The following CARM1 variants were observed in gnomAD, a reference collection of about 807,000 sequenced individuals.
The protein encoded by CARM1 is histone-arginine methyltransferase CARM1.
A neutral mutation model predicts 72.7 loss-of-function variants in CARM1; 14 were observed. The ratio of observed to expected loss-of-function variants is 0.19; its 90% CI spans 0.13 to 0.30. The LOEUF is 0.30. Among genes scored for constraint, CARM1 ranks in the 10% least tolerant of loss-of-function variants. The pLI, the probability that CARM1 is intolerant of heterozygous loss-of-function variation, is 1.00. For missense variants in CARM1, 432 were observed against 833.7 expected, an observed-to-expected ratio of 0.52 and a Z score of 5.93; for synonymous variants, 333 against 345.5, an observed-to-expected ratio of 0.96 and a Z score of 0.40.
intron 3 of CARM1, 82 bp downstream of exon 3, chr19:10,908,227 G>A: frequency 1.1e-6 from 1 of 891,308 alleles, no homozygotes; most frequent in African/African-American, 1.6e-5. Context: ...ACACAGCACA[G>A]GGAAGGCCCA....
intron 4 of CARM1, 40 bp downstream of exon 4, chr19:10,909,247 C>T: frequency 3.0e-6 from 4 of 1,328,226 alleles, no homozygotes; most frequent in Non-Finnish European, 4.3e-6. Flanking sequence ...CTGCTTCTGT[C>T]TCGGTTTTTT....
intron 1 of CARM1, among the ~76,000 whole-genome samples, chr19:10,894,171 T>C (rs998493849): frequency 2.0e-5 from 3 of 152,152 alleles, no homozygotes; most frequent in Non-Finnish European, 4.4e-5. Context: ...CTTTCCCTCC[T>C]CTCAGCGCTT....
At chr19:10,895,472 A>G (rs1568350127) in intron 1 of CARM1, among the ~76,000 whole-genome samples, 1 of 152,218 alleles carries the variant, frequency 6.6e-6, no homozygotes, top group Non-Finnish European at 1.5e-5. Context: ...CAAGGGCCCA[A>G]AGACCCCCTG....
chr19:10,886,832 A>G (rs1639651459), intron 1 of CARM1, among the ~76,000 whole-genome samples: 1 of 149,768 alleles, frequency 6.7e-6, no homozygotes, highest in African/African-American at 2.4e-5. Context: ...TTCCATCTCA[A>G]AAAAAAAAAA....
In CARM1 at chr19:10,921,969, A is replaced by C; in HGVS notation, c.*212A>C. ...GGCCCTGAGCGTGTGTCGCTGCCAT[A>C]TTTTACACAAAATCATGTTGTGGGA... On this transcript the variant is annotated 3_prime_UTR_variant, in exon 16 of 16. Coordinates refer to ENST00000327064, the MANE Select transcript of CARM1 (RefSeq NM_199141.2). 2.0e-6 allele frequency: 1 copy of C among 506,272 alleles called. No homozygotes were observed. Among genetic ancestry groups the C allele is most frequent in the Non-Finnish European group, 3.5e-6 (1 of 287,082 alleles). 31.4% of individuals were successfully genotyped at this position (506,272 alleles called of 1,614,324 possible).
At position 10,921,819 on chromosome 19, in the gene CARM1, G is replaced by A. The variant is rs771922710; in HGVS notation, c.*62G>A. 1.6e-5 allele frequency: 24 copies of A among 1,504,232 alleles called. No individual in the cohort carries two copies. The highest frequency in any genetic ancestry group is 9.8e-5 in the African/African-American group (7 of 71,682). The allele number at this position is 1,504,232 out of a possible 1,614,324, so 93.2% of individuals were successfully genotyped here. A position where few individuals can be genotyped will look rare whatever the true frequency, so the allele number is the denominator to read the frequency against. On this transcript the variant is annotated 3_prime_UTR_variant, in exon 16 of 16. Transcript: ENST00000327064. The stretch of plus-strand genomic sequence containing the variant: ...AATGATGTCCCTGCCCGCCGCCCCC[G>A]CCGGGCGGCTTTCCCCCTTGTACTG...
In CARM1 at chr19:10,871,582, TAGCGGCAGCGGC is replaced by T. The variant is rs1568342640; in HGVS notation, c.-120_-109del. ...GCCTGCACGGCGGCTGCGGCGGCGGTAGCGGCAGCGGCGGCGGCGGCGGCGGCGGCGGCGGCG... is the reference window on the plus strand; with the variant it reads ...GCCTGCACGGCGGCTGCGGCGGCGGTGGCGGCGGCGGCGGCGGCGGCGGCG... On this transcript the variant is annotated 5_prime_UTR_variant, in exon 1 of 16. Transcript: ENST00000327064. This position sits in a 1 kb window ranked among gnomAD's most constrained non-coding sequence, Gnocchi z 5.6. 1 of 88,366 alleles carries T rather than the reference TAGCGGCAGCGGC, an allele frequency of 1.1e-5. No individual in the cohort carries two copies. Among genetic ancestry groups the T allele is most frequent in the African/African-American group, 4.7e-5 (1 of 21,214 alleles). 5.5% of individuals were successfully genotyped at this position (88,366 alleles called of 1,614,324 possible). A position where few individuals can be genotyped will look rare whatever the true frequency, so the allele number is the denominator to read the frequency against.
intron 3 of CARM1, among the ~76,000 whole-genome samples, 176 bp from the exon 4 acceptor site, chr19:10,908,927 C>G (rs1050069859): frequency 1.3e-5 from 2 of 152,194 alleles, no homozygotes; most frequent in Non-Finnish European, 2.9e-5. Flanking sequence ...GGGGGCTGCC[C>G]TCCGGCTTCC....
chr19:10,892,124 T>C (rs1448607681), intron 1 of CARM1, among the ~76,000 whole-genome samples: 4 of 152,234 alleles, frequency 2.6e-5, no homozygotes, highest in Admixed American at 2.0e-4. Flanking sequence ...CCGATGGAAA[T>C]TGATCTCTTT....
chr19:10,900,804 C>T (rs1459412266), intron 1 of CARM1, among the ~76,000 whole-genome samples: 8 of 152,098 alleles, frequency 5.3e-5, no homozygotes, highest in Non-Finnish European at 1.2e-4. Flanking sequence ...CTGCCTCAGC[C>T]TCCCGAGTAG....
intron 3 of CARM1, 70 bp from the exon 4 acceptor site, chr19:10,909,033 A>G: frequency 1.7e-6 from 2 of 1,193,970 alleles, no homozygotes; most frequent in Non-Finnish European, 2.5e-6. Flanking sequence ...GCTCTATCAC[A>G]GGGCTGGCCA....
rs80043599 is a variant in CARM1, at chr19:10,894,406, G to T, written c.221-10545G>T. ...TGCCTGTGGGATGGGAGTTGGCCAC[G>T]GGGGGTCGGGGTGTCTCCCTCTTTT... is the stretch of plus-strand genomic sequence containing the variant. On this transcript the variant is annotated intron_variant, in intron 1 of 15. Transcript: ENST00000327064. Among the ~76,000 whole-genome samples the T allele has an allele frequency of 9.9e-5, 15 of 152,190 alleles. No homozygotes were observed. In the South Asian group the frequency reaches 3.1e-3, roughly 32 times the overall value.
chr19:10,872,416 C>T (rs890497511), intron 1 of CARM1, among the ~76,000 whole-genome samples: 2 of 152,062 alleles, frequency 1.3e-5, no homozygotes, highest in African/African-American at 4.8e-5. Flanking sequence ...GTTTGCTGGT[C>T]TGGGGCGCCC....
Position 10,920,668 on chromosome 19 carries a change from C to T in CARM1, c.1344C>T (p.Tyr448=), listed in dbSNP as rs372194372. Residue 448 remains tyrosine (Y), a synonymous_variant, in exon 12 of 16, where the codon TAC becomes TAT. Transcript: ENST00000327064. The surrounding 1 kb of genome is among the most constrained non-coding windows in gnomAD (Gnocchi z 5.3). ...CLLIANKRQS[Y]DISIVAQVDQ... is the part of the protein sequence containing the mutation. ...TGCACCCTGTCCGCAGACAGAGCTACGACATCAGTATTGTGGCCCAGGTGG... is the reference window on the plus strand; with the variant it reads ...TGCACCCTGTCCGCAGACAGAGCTATGACATCAGTATTGTGGCCCAGGTGG... The T allele has an allele frequency of 9.8e-5, 158 of 1,614,050 alleles. No individual in the cohort carries two copies. Among genetic ancestry groups the T allele is most frequent in the Middle Eastern group, 1.6e-4 (1 of 6,084 alleles).
chr19:10,911,231 T>TC (rs2074148222), intron 4 of CARM1, among the ~76,000 whole-genome samples: 2 of 152,110 alleles, frequency 1.3e-5, no homozygotes, highest in South Asian at 2.1e-4. Flanking sequence ...GTTTTTTTCC[T>TC]CCAAGTATTT....
At chr19:10,908,194 C>T (rs1440659120) in intron 3 of CARM1, 49 bp downstream of exon 3, 1 of 1,256,548 alleles carries the variant, frequency 8.0e-7, no homozygotes, top group Middle Eastern at 1.9e-4. Context: ...GGCAGCCCCC[C>T]TGCCACTCAC....
rs765052900 is a variant in CARM1 at position 10,922,950 on chromosome 19, C to G, written c.*1193C>G. The G allele has an allele frequency of 4.8e-6, 1 of 210,376 alleles. No homozygotes were observed. Among genetic ancestry groups the G allele is most frequent in the Admixed American group, 6.1e-5 (1 of 16,322 alleles). 13.0% of individuals were successfully genotyped at this position (210,376 alleles called of 1,614,324 possible). A position where few individuals can be genotyped will look rare whatever the true frequency, so the allele number is the denominator to read the frequency against. On this transcript the variant is annotated 3_prime_UTR_variant, in exon 16 of 16. Coordinates refer to ENST00000327064, the MANE Select transcript of CARM1 (RefSeq NM_199141.2). ...GCCATAGGAGGGAAAGCAGGTGGCC[C>G]GGGGGGGATATGGGGGCCCCAGCCC...
At chr19:10,895,451 C>G (rs1479336313) in intron 1 of CARM1, among the ~76,000 whole-genome samples, 1 of 152,226 alleles carries the variant, frequency 6.6e-6, no homozygotes, top group African/African-American at 2.4e-5. Context: ...TGACCCAGGT[C>G]TAACGAGCCT....
Position 10,871,834 on chromosome 19 carries a change from C to T in CARM1, c.132C>T (p.Asn44=). 2.3e-6 allele frequency: 3 copies of T among 1,296,910 alleles called. 1 individual carries two copies. The South Asian group carries it at 5.8e-5, about 25-fold the overall frequency. The allele number at this position is 1,296,910 out of a possible 1,614,324, so 80.3% of individuals were successfully genotyped here. A position where few individuals can be genotyped will look rare whatever the true frequency, so the allele number is the denominator to read the frequency against. ...GCCTCCTCACCATCGGCGACGCGAACGGCGAGATCCAGCGGCACGCGGAGC... is the reference window on the plus strand; with the variant it reads ...GCCTCCTCACCATCGGCGACGCGAATGGCGAGATCCAGCGGCACGCGGAGC... ...GARLLTIGDA[N]GEIQRHAEQQ... The change falls in exon 1 of 16, where the codon AAC becomes AAT. Residue 44 remains asparagine (N), a synonymous_variant. Transcript: ENST00000327064. The surrounding 1 kb of genome is among the most constrained non-coding windows in gnomAD (Gnocchi z 5.6).
Sources: gnomAD v4.1 joint callset for allele counts (sites outside exome capture counted in the v4.1 genomes callset) on GRCh38, gnomAD v4.1.1 for gene constraint, Gnocchi (gnomAD v3.1) non-coding constraint, MANE v1.5 for transcripts, NCBI Gene and HGNC (gene_info 2026-07-23, HGNC 2026-07-21) for gene names.